The following TBCK variants were observed in gnomAD, a reference collection of about 807,000 sequenced individuals.
TBCK encodes TBC1 domain containing kinase.
TBCK carries 99 observed loss-of-function variants against 113.4 expected under a neutral mutation model. The observed-to-expected ratio is 0.87, with a 90% CI of 0.74 to 1.03. The LOEUF (loss-of-function observed/expected upper bound fraction) is 1.03. Among genes scored for constraint, TBCK ranks in the 50% least tolerant of loss-of-function variants. TBCK has a pLI of 0.00. For missense variants in TBCK, 1,045 were observed against 1,061.3 expected, an observed-to-expected ratio of 0.98 and a Z score of 0.21; for synonymous variants, 369 against 370.8, an observed-to-expected ratio of 1.00 and a Z score of 0.05.
intron 20 of TBCK, among the ~76,000 whole-genome samples, chr4:106,200,845 A>C (rs1754799573): frequency 6.6e-6 from 1 of 152,144 alleles, no homozygotes; most frequent in Non-Finnish European, 1.5e-5. Flanking sequence ...AAAATCAATG[A>C]AAGTGATAAA....
intron 2 of TBCK, among the ~76,000 whole-genome samples, chr4:106,300,135 CCTG>C (rs1579563786): frequency 6.6e-6 from 1 of 152,096 alleles, no homozygotes; most frequent in East Asian, 1.9e-4. Flanking sequence ...CTTTTTTTGG[CCTG>C]CTGCTATCCA....
chr4:106,168,263 T>C (rs968189890), intron 23 of TBCK, among the ~76,000 whole-genome samples: 1 of 151,842 alleles, frequency 6.6e-6, no homozygotes, highest in Non-Finnish European at 1.5e-5. Flanking sequence ...TACAAATAGA[T>C]ACAGGAAACA....
intron 3 of TBCK, among the ~76,000 whole-genome samples, chr4:106,270,424 A>T (rs2150127568): frequency 6.6e-6 from 1 of 152,274 alleles, no homozygotes; most frequent in South Asian, 2.1e-4. Flanking sequence ...CTGGCTGTGC[A>T]AACACACTAG....
chr4:106,061,837 T>C (rs1203246115), intron 25 of TBCK, among the ~76,000 whole-genome samples: 1 of 151,790 alleles, frequency 6.6e-6, no homozygotes, highest in Non-Finnish European at 1.5e-5. Context: ...AATGCAAACT[T>C]GTCCCCAAAT....
At chr4:106,124,452 A>G (rs1430756607) in intron 23 of TBCK, among the ~76,000 whole-genome samples, 1 of 152,212 alleles carries the variant, frequency 6.6e-6, no homozygotes, top group Admixed American at 6.5e-5. Flanking sequence ...GCGATTCCTC[A>G]GGGATCTAGA....
In TBCK at chr4:106,308,932, C is replaced by A; in HGVS notation, c.29G>T (p.Gly10Val). The A allele has an allele frequency of 6.2e-7, 1 of 1,614,012 alleles. No individual in the cohort carries two copies. Residue 10 changes from glycine to valine, a missense_variant, in exon 2 of 26, where the codon GGA becomes GTA. By Grantham distance (109) the Gly-to-Val change is moderately radical (BLOSUM62 -3). Transcript: ENST00000394708. ...AGCCGAGGCAAAGAAGGTAAAGGCT[C>A]CCATTTCAGCGTCCTTCAGGGGAAA... Reference protein sequence around the residue: MFPLKDAEMGAFTFFASALP... With the variant: MFPLKDAEMVAFTFFASALP...
intron 5 of TBCK, among the ~76,000 whole-genome samples, chr4:106,257,081 G>C (rs1182997015): frequency 6.6e-6 from 1 of 152,036 alleles, no homozygotes; most frequent in Non-Finnish European, 1.5e-5. Context: ...CATTAGGATG[G>C]CCTTACAAAC....
intron 24 of TBCK, among the ~76,000 whole-genome samples, chr4:106,096,777 A>G (rs1487383514): frequency 6.6e-6 from 1 of 152,192 alleles, no homozygotes; most frequent in Non-Finnish European, 1.5e-5. Flanking sequence ...GACATAAAAG[A>G]TAATGCTCAG....
chr4:106,218,545 A>G (rs1757267919), intron 19 of TBCK, among the ~76,000 whole-genome samples: 1 of 96,426 alleles, frequency 1.0e-5, no homozygotes, highest in African/African-American at 4.1e-5. Flanking sequence ...CAACCCCATC[A>G]AAAAGTGGGC....
intron 23 of TBCK, among the ~76,000 whole-genome samples, chr4:106,165,610 G>A (rs574354572): frequency 6.6e-6 from 1 of 151,636 alleles, no homozygotes; most frequent in African/African-American, 2.4e-5. Flanking sequence ...AAAGTTCTTG[G>A]GCAGACTGCA....
intron 3 of TBCK, among the ~76,000 whole-genome samples, chr4:106,266,787 A>G (rs909435738): frequency 6.6e-6 from 1 of 151,928 alleles, no homozygotes; most frequent in Non-Finnish European, 1.5e-5. Flanking sequence ...ATACCATGAG[A>G]AGAACAAATC....
At chr4:106,093,368 G>A (rs147554954) in intron 25 of TBCK, among the ~76,000 whole-genome samples, 2,589 of 152,238 alleles carry the variant, frequency 0.017, 33 homozygotes, top group Middle Eastern at 0.099. Context: ...TTAGCTGGGC[G>A]TGGTGGTGGG....
chr4:106,098,152 G>C (rs927902532), intron 24 of TBCK, among the ~76,000 whole-genome samples: 7 of 151,920 alleles, frequency 4.6e-5, no homozygotes, highest in Non-Finnish European at 1.0e-4. Context: ...ACTGCTTTCT[G>C]TATAATATAG....
intron 19 of TBCK, among the ~76,000 whole-genome samples, chr4:106,216,664 C>A (rs148251665): frequency 0.13 from 19,658 of 152,082 alleles, 1,601 homozygotes; most frequent in South Asian, 0.24. Context: ...AAGACTAAAC[C>A]AGGAAGAAGT....
chr4:106,200,646 T>C (rs1754778145), intron 20 of TBCK, among the ~76,000 whole-genome samples: 2 of 151,344 alleles, frequency 1.3e-5, no homozygotes, highest in South Asian at 4.1e-4. Context: ...ACCTACCATA[T>C]AATATATTTA....
intron 3 of TBCK, among the ~76,000 whole-genome samples, chr4:106,291,830 A>G (rs1316159291): frequency 6.6e-6 from 1 of 152,252 alleles, no homozygotes; most frequent in Non-Finnish European, 1.5e-5. Flanking sequence ...ATAACTAGAC[A>G]AACTGATGAA....
At chr4:106,052,793 T>G (rs1734952391) in intron 25 of TBCK, among the ~76,000 whole-genome samples, 1 of 151,658 alleles carries the variant, frequency 6.6e-6, no homozygotes, top group African/African-American at 2.4e-5. Flanking sequence ...AAGAAAGGTA[T>G]AACGAGCTGC....
intron 20 of TBCK, among the ~76,000 whole-genome samples, chr4:106,210,232 CA>C (rs1032883963): frequency 1.1e-4 from 16 of 147,566 alleles, no homozygotes; most frequent in African/African-American, 1.5e-4. Context: ...AAAGGGAAGG[CA>C]AAAAAAAAAT....
chr4:106,120,418 T>G (rs977316208), intron 23 of TBCK, among the ~76,000 whole-genome samples: 30 of 152,200 alleles, frequency 2.0e-4, no homozygotes, highest in East Asian at 5.8e-4. Context: ...CAGGCTTGCT[T>G]AGGTAAACAA....
Sources: gnomAD v4.1 joint callset for allele counts (sites outside exome capture counted in the v4.1 genomes callset) on GRCh38, gnomAD v4.1.1 for gene constraint, MANE v1.5 for transcripts, NCBI Gene and HGNC (gene_info 2026-07-23, HGNC 2026-07-21) for gene names.